Variants in SULF2 observed in about 807,000 individuals in gnomAD.
SULF2 encodes sulfatase 2.
In SULF2, 52 loss-of-function variants were observed where a neutral mutation model predicts 107.7. The ratio of observed to expected loss-of-function variants is 0.48; its 90% CI spans 0.39 to 0.61. SULF2 has a LOEUF of 0.61. SULF2 is among the 20% of genes least tolerant of loss of function. The pLI is 0.00. For synonymous variants in SULF2, 460 were observed against 464.3 expected (o/e 0.99, Z 0.12); for missense variants, 993 against 1,177.3 (o/e 0.84, Z 2.29).
intron 1 of SULF2, among the ~76,000 whole-genome samples, chr20:47,769,286 C>T (rs1376683259): frequency 1.3e-5 from 2 of 152,060 alleles, no homozygotes; most frequent in East Asian, 1.9e-4. Context: ...GTGATCCACC[C>T]GCCTCGGCTT....
chr20:47,772,241 C>A (rs1411857174), intron 1 of SULF2, among the ~76,000 whole-genome samples: 6 of 152,186 alleles, frequency 3.9e-5, no homozygotes, highest in Admixed American at 3.9e-4. Context: ...GCATTACTGC[C>A]GCGTGGGCAG....
rs774497468 is a variant in SULF2, at chr20:47,678,630, G to C, written c.1193+46C>G. ...CAGGGTTTTGCTCTGAGTTCCCGCA[G>C]GTCAATGTCCCGGCCCCCTCAACAC... On this transcript the variant is annotated intron_variant, in intron 8 of 20. Transcript: ENST00000688720. The surrounding 1 kb of genome is among the most constrained non-coding windows in gnomAD (Gnocchi z 4.5). 2 of 1,608,038 alleles carry C rather than the reference G, an allele frequency of 1.2e-6. No individual in the cohort carries two copies. The highest frequency in any genetic ancestry group is 1.7e-6 in the Non-Finnish European group (2 of 1,176,682).
At chr20:47,752,634 C>T (rs558827115) in intron 2 of SULF2, among the ~76,000 whole-genome samples, 4 of 151,762 alleles carry the variant, frequency 2.6e-5, no homozygotes, top group East Asian at 3.9e-4. Flanking sequence ...ACCTGTAGTC[C>T]CAGCTACTTC....
chr20:47,672,953 C>T (rs1432473643), intron 10 of SULF2, among the ~76,000 whole-genome samples: 6 of 152,184 alleles, frequency 3.9e-5, no homozygotes, highest in East Asian at 1.9e-4. Flanking sequence ...TCTTCCTTCC[C>T]GTCTGCTCCA....
intron 3 of SULF2, among the ~76,000 whole-genome samples, chr20:47,710,189 A>G (rs2088881383): frequency 6.6e-6 from 1 of 152,152 alleles, no homozygotes; most frequent in South Asian, 2.1e-4. Flanking sequence ...GGCGTGAGCC[A>G]CCGTGCCCAG....
Position 47,702,399 on chromosome 20 carries a change from T to G in SULF2, c.567+120A>C. On this transcript the variant is annotated intron_variant, in intron 4 of 20. Transcript: ENST00000688720. ...TGAGGAGGAGGTGTATGTAAAATGC[T>G]CAAGGTCACACTTTTAAGTGCCTGA... is the stretch of plus-strand genomic sequence containing the variant. 3 of 1,199,236 alleles carry G rather than the reference T, an allele frequency of 2.5e-6. No homozygotes were observed. The South Asian group carries it at 4.7e-5, about 19-fold the overall frequency. The allele number at this position is 1,199,236 out of a possible 1,614,324, so 74.3% of individuals were successfully genotyped here. A position where few individuals can be genotyped will look rare whatever the true frequency, so the allele number is the denominator to read the frequency against.
At chr20:47,747,055 T>C (rs2090061852) in intron 2 of SULF2, among the ~76,000 whole-genome samples, 1 of 148,400 alleles carries the variant, frequency 6.7e-6, no homozygotes, top group Admixed American at 6.7e-5. Context: ...TCTCTTATTT[T>C]TCACCTAGTA....
intron 3 of SULF2, among the ~76,000 whole-genome samples, chr20:47,724,309 G>C (rs577416607): frequency 1.5e-4 from 23 of 152,260 alleles, no homozygotes; most frequent in Non-Finnish European, 2.4e-4. Flanking sequence ...GCCAGGGCGA[G>C]AGGCGAGAGC....
At chr20:47,721,918 C>T (rs1286729108) in intron 3 of SULF2, among the ~76,000 whole-genome samples, 1 of 152,148 alleles carries the variant, frequency 6.6e-6, no homozygotes, top group Non-Finnish European at 1.5e-5. Flanking sequence ...AGACATAAGA[C>T]CCTAGATGAG....
intron 2 of SULF2, among the ~76,000 whole-genome samples, chr20:47,743,939 AG>A (rs2089948231): frequency 6.6e-6 from 1 of 152,158 alleles, no homozygotes. Flanking sequence ...TCACTTTCTC[AG>A]CAAGGCTTTC....
At chr20:47,745,396 AAAAAAAAAAAAAAAAT>A (rs1381531923) in intron 2 of SULF2, among the ~76,000 whole-genome samples, 33 of 27,256 alleles carry the variant, frequency 1.2e-3, no homozygotes, top group African/African-American at 2.6e-3. Context: ...AAAAAAAAAA[AAAAAAAAAAAAAAAAT>A]ATATATATAT....
At chr20:47,702,376 A>T in intron 4 of SULF2, 143 bp downstream of exon 4, 1 of 893,382 alleles carries the variant, frequency 1.1e-6, no homozygotes, top group Non-Finnish European at 1.7e-6. Flanking sequence ...TGAAAAACTG[A>T]GGAGGAGGTG....
At chr20:47,739,422 T>C (rs565226661) in intron 2 of SULF2, among the ~76,000 whole-genome samples, 2 of 152,158 alleles carry the variant, frequency 1.3e-5, no homozygotes, top group Non-Finnish European at 2.9e-5. Flanking sequence ...GGTCCCAGTA[T>C]TGCACATTGG....
chr20:47,671,466 G>A (rs898251369), intron 11 of SULF2, among the ~76,000 whole-genome samples: 1 of 152,112 alleles, frequency 6.6e-6, no homozygotes. Context: ...TAGAGATGGG[G>A]TTTCACCATG....
At chr20:47,743,316 G>A (rs1380593043) in intron 2 of SULF2, among the ~76,000 whole-genome samples, 2 of 135,752 alleles carry the variant, frequency 1.5e-5, no homozygotes, top group Non-Finnish European at 3.1e-5. Flanking sequence ...GTGGCCAGAG[G>A]CTTTTTCTTT....
At chr20:47,718,241 T>C (rs2089184884) in intron 3 of SULF2, among the ~76,000 whole-genome samples, 1 of 152,092 alleles carries the variant, frequency 6.6e-6, no homozygotes, top group African/African-American at 2.4e-5. Flanking sequence ...AACTGCAAAA[T>C]AGGAATAATA....
At chr20:47,724,489 G>A (rs1231762587) in intron 3 of SULF2, among the ~76,000 whole-genome samples, 1 of 152,228 alleles carries the variant, frequency 6.6e-6, no homozygotes, top group African/African-American at 2.4e-5. Context: ...CGGGCTGCCT[G>A]TGCCTAATTA....
At chr20:47,717,984 A>T (rs543595662) in intron 3 of SULF2, among the ~76,000 whole-genome samples, 3 of 151,858 alleles carry the variant, frequency 2.0e-5, no homozygotes, top group African/African-American at 7.2e-5. Context: ...TGCCCAGCTA[A>T]TTTTTTGTAT....
chr20:47,705,804 C>CTTTTCT (rs774324176), intron 3 of SULF2, among the ~76,000 whole-genome samples: 5 of 137,548 alleles, frequency 3.6e-5, no homozygotes, highest in South Asian at 2.3e-4. Flanking sequence ...CTTTTCTTTT[C>CTTTTCT]TTTTTTTTTT....
Sources: gnomAD v4.1 joint callset for allele counts (sites outside exome capture counted in the v4.1 genomes callset) on GRCh38, gnomAD v4.1.1 for gene constraint, Gnocchi (gnomAD v3.1) non-coding constraint, MANE v1.5 for transcripts, NCBI Gene and HGNC (gene_info 2026-07-23, HGNC 2026-07-21) for gene names.